TLE3: variants seen among roughly 807,000 people sequenced by gnomAD.
TLE3 encodes the protein transducin-like enhancer protein 3.
Under a neutral mutation model 93.0 loss-of-function variants are expected in TLE3, and 14 were observed. The observed-to-expected ratio is 0.15, with a 90% CI of 0.10 to 0.24. TLE3 has a LOEUF of 0.24. Among genes scored for constraint, TLE3 ranks in the 10% least tolerant of loss-of-function variants. The probability of loss-of-function intolerance (pLI) is 1.00; values close to 1 mark genes in which losing one functional copy is unlikely to be tolerated. For synonymous variants in TLE3, 451 were observed against 425.0 expected, an observed-to-expected ratio of 1.06 and a Z score of -0.75; for missense variants, 693 against 1,046.6, an observed-to-expected ratio of 0.66 and a Z score of 4.66.
intron 3 of TLE3, chr15:70,094,856 A>T: frequency 2.6e-6 from 1 of 379,680 alleles, no homozygotes. Flanking sequence ...TGTTTATACA[A>T]GGTTCAGGTT....
intron 4 of TLE3, among the ~76,000 whole-genome samples, chr15:70,087,629 C>T (rs2058091676): frequency 6.6e-6 from 1 of 152,226 alleles, no homozygotes; most frequent in East Asian, 1.9e-4. Context: ...CATGCTCCTA[C>T]CCTTTACCAA....
intron 8 of TLE3, among the ~76,000 whole-genome samples, chr15:70,061,606 C>T (rs915356898): frequency 6.6e-6 from 1 of 152,108 alleles, no homozygotes; most frequent in Non-Finnish European, 1.5e-5. Flanking sequence ...GGCAAGGGCA[C>T]CTGCCAGCAA....
At chr15:70,053,428 G>T in intron 16 of TLE3, 54 bp from the exon 17 acceptor site, 3 of 1,556,610 alleles carry the variant, frequency 1.9e-6, no homozygotes, top group Admixed American at 1.8e-5. Context: ...AGACTGCCAG[G>T]TGGCGGCCAT....
chr15:70,095,044 A>G (rs1463544814), intron 3 of TLE3, among the ~76,000 whole-genome samples: 2 of 152,150 alleles, frequency 1.3e-5, no homozygotes, highest in Non-Finnish European at 2.9e-5. Flanking sequence ...TGGAGAAGAT[A>G]CCCAGCTGGG....
chr15:70,094,436 A>C (rs1373542556), intron 4 of TLE3, 96 bp downstream of exon 4: 2 of 949,582 alleles, frequency 2.1e-6, no homozygotes, highest in Admixed American at 2.7e-5. Context: ...GGAATCGAAG[A>C]AGCAGGCTCA....
intron 7 of TLE3, among the ~76,000 whole-genome samples, chr15:70,064,690 T>TTG (rs2056703763): frequency 6.6e-6 from 1 of 151,986 alleles, no homozygotes; most frequent in African/African-American, 2.4e-5. Flanking sequence ...CCACCCAAAT[T>TTG]CCAATGCTGC....
intron 4 of TLE3, among the ~76,000 whole-genome samples, chr15:70,085,962 G>A (rs2058020740): frequency 6.6e-6 from 1 of 152,198 alleles, no homozygotes; most frequent in Non-Finnish European, 1.5e-5. Context: ...AGAGGAAGGG[G>A]CCTCCTTCTA....
chr15:70,074,652 C>T (rs1387255388), intron 5 of TLE3, 45 bp from the exon 6 acceptor site: 1 of 1,535,700 alleles, frequency 6.5e-7, no homozygotes, highest in Non-Finnish European at 8.8e-7. Flanking sequence ...CTTTCCTGGA[C>T]AGAGGAGGTC....
Position 70,097,717 on chromosome 15 carries a change from T to C in TLE3, c.-919A>G. The C allele has an allele frequency of 2.5e-6, 1 of 396,172 alleles. No individual in the cohort carries two copies. Among genetic ancestry groups the C allele is most frequent in the Non-Finnish European group, 4.4e-6 (1 of 224,846 alleles). 24.5% of individuals were successfully genotyped at this position (396,172 alleles called of 1,614,324 possible). ...AGACCGGGGAGCTCTACGGCTTCCTTCCTTCCCCTCGGCCCGGCTCTCCTC... is the reference window on the plus strand; with the variant it reads ...AGACCGGGGAGCTCTACGGCTTCCTCCCTTCCCCTCGGCCCGGCTCTCCTC... On this transcript the variant is annotated 5_prime_UTR_variant, in exon 1 of 20. Coordinates refer to ENST00000451782, the MANE Select transcript of TLE3 (RefSeq NM_001105192.3).
chr15:70,088,093 T>TC (rs1206424194), intron 4 of TLE3, among the ~76,000 whole-genome samples: 2 of 152,018 alleles, frequency 1.3e-5, no homozygotes, highest in African/African-American at 2.4e-5. Context: ...CCTCCAGCCC[T>TC]CCCCCAAAAG....
At chr15:70,096,558 G>T in intron 1 of TLE3, 1 of 1,455,854 alleles carries the variant, frequency 6.9e-7, no homozygotes, top group Non-Finnish European at 9.3e-7. Flanking sequence ...CGCGTGAACA[G>T]CTCCCCCTGG....
chr15:70,063,050 C>T (rs1406950245), intron 8 of TLE3, among the ~76,000 whole-genome samples: 1 of 152,218 alleles, frequency 6.6e-6, no homozygotes, highest in Non-Finnish European at 1.5e-5. Context: ...TCCCACTCCC[C>T]CTCCAATTCC....
intron 18 of TLE3, 72 bp from the exon 19 acceptor site, chr15:70,051,539 T>C: frequency 7.4e-7 from 1 of 1,354,734 alleles, no homozygotes; most frequent in Non-Finnish European, 1.0e-6. Flanking sequence ...GCCCTAGACA[T>C]GGCCAGCTGC....
intron 15 of TLE3, 22 bp downstream of exon 15, chr15:70,055,027 G>A (rs548265206): frequency 2.0e-5 from 32 of 1,582,168 alleles, no homozygotes; most frequent in African/African-American, 5.4e-5. Context: ...TGGAGGCGGC[G>A]CAGCAGCCCT....
rs749763417 is a variant in TLE3, at chr15:70,094,622, G to A, written c.190-46C>T. On this transcript the variant is annotated intron_variant, in intron 3 of 19. Transcript: ENST00000451782. The stretch of plus-strand genomic sequence containing the variant: ...TATTAACAGACAACACAGAAATCTG[G>A]TCATTTTTCAAAATCAGTTTTTTCT... The A allele has an allele frequency of 7.9e-6, 11 of 1,397,962 alleles. No individual in the cohort carries two copies. The South Asian group carries it at 1.2e-4, about 16-fold the overall frequency. 86.6% of individuals were successfully genotyped at this position (1,397,962 alleles called of 1,614,324 possible).
chr15:70,097,413 C>CA lies in TLE3; in HGVS notation c.-616_-615insT. 1 of 411,678 alleles carries CA rather than the reference C, an allele frequency of 2.4e-6. No homozygotes were observed. The highest frequency in any genetic ancestry group is 3.5e-5 in the East Asian group (1 of 28,218). 25.5% of individuals were successfully genotyped at this position (411,678 alleles called of 1,614,324 possible). ...CGGCGCGGGCGCTTCGACGCCCCCC[C>CA]TCGGAGAGGAGAGCCTGCTGTTCCG... On this transcript the variant is annotated 5_prime_UTR_variant, in exon 1 of 20. It adds an upstream start codon to the 5' untranslated region. Transcript: ENST00000451782.
rs1326904878 is a variant in TLE3 at position 70,058,624 on chromosome 15, C to T, written c.918+39G>A. On this transcript the variant is annotated intron_variant, in intron 11 of 19. Coordinates refer to ENST00000451782, the MANE Select transcript of TLE3 (RefSeq NM_001105192.3). The surrounding 1 kb of genome is among the most constrained non-coding windows in gnomAD (Gnocchi z 4.1). ...GCACCACCCCAGCTCCAGTCCCTGC[C>T]GCTCCCTTCCCACTCCCTTCCACCC... 3.0e-5 allele frequency: 47 copies of T among 1,544,914 alleles called. No individual in the cohort carries two copies. The Admixed American group carries it at 3.2e-4, about 10-fold the overall frequency.
chr15:70,083,097 AAAG>A (rs1294112970), intron 4 of TLE3, among the ~76,000 whole-genome samples: 3 of 152,166 alleles, frequency 2.0e-5, no homozygotes, highest in Non-Finnish European at 4.4e-5. Flanking sequence ...GTTTCCGAAT[AAAG>A]AAGTCCAATC....
rs1595861982 is a variant in TLE3 at position 70,053,629 on chromosome 15, C to T, written c.1827-255G>A. 8.5e-6 allele frequency: 3 copies of T among 354,322 alleles called. No individual in the cohort carries two copies. The South Asian group carries it at 1.7e-4, about 20-fold the overall frequency. The allele number at this position is 354,322 out of a possible 1,614,324, so 21.9% of individuals were successfully genotyped here. On this transcript the variant is annotated intron_variant, in intron 16 of 19. Transcript: ENST00000451782. ...TGGGGGGGGGAGGTGAAAAAGGGAC[C>T]TTGCACTAGCCTTCTGAGACTGAGT...
Sources: allele counts gnomAD v4.1 joint callset (sites outside exome capture counted in the v4.1 genomes callset), GRCh38; gene constraint gnomAD v4.1.1; non-coding constraint Gnocchi (gnomAD v3.1); transcripts MANE v1.5; gene names NCBI Gene and HGNC (gene_info 2026-07-23, HGNC 2026-07-21).